The following FAM167A variants were observed in gnomAD, a reference collection of about 807,000 sequenced individuals.
The protein encoded by FAM167A is family with sequence similarity 167 member A, also known as protein FAM167A.
Under a neutral mutation model 14.9 loss-of-function variants are expected in FAM167A, and 23 were observed. That is an observed-to-expected ratio of 1.55 (90% CI 1.11 to 2.19). FAM167A has a LOEUF of 2.19. FAM167A is among the 30% of genes most tolerant of loss of function. FAM167A has a pLI of 0.00. For synonymous variants in FAM167A, 174 were observed against 117.7 expected, an observed-to-expected ratio of 1.48 and a Z score of -3.10; for missense variants, 401 against 281.5, an observed-to-expected ratio of 1.42 and a Z score of -3.04.
intron 2 of FAM167A, chr8:11,435,199 C>G (rs1405461836): frequency 1.6e-5 from 7 of 449,358 alleles, no homozygotes; most frequent in East Asian, 1.4e-4. Flanking sequence ...GGTTCTGTCC[C>G]CTCCCCTGTG....
chr8:11,453,861 C>G (rs573109918), intron 1 of FAM167A, among the ~76,000 whole-genome samples: 1 of 152,320 alleles, frequency 6.6e-6, no homozygotes, highest in South Asian at 2.1e-4. Context: ...GTCTTCTTAC[C>G]CCATCATGCA....
chr8:11,421,648 G>A lies in FAM167A; in HGVS notation c.*2725C>T, dbSNP rs1804734674. On this transcript the variant is annotated 3_prime_UTR_variant, in exon 3 of 3. Coordinates refer to ENST00000284486, the MANE Select transcript of FAM167A (RefSeq NM_053279.3). ...CTTGAACTCGGTCAGGCATCGTCAA[G>A]CCTGCCCAGGCCCTCCAGGCCTCTT... 7.5e-6 allele frequency: 3 copies of A among 398,714 alleles called. No homozygotes were observed. The Admixed American group carries it at 1.3e-4, about 18-fold the overall frequency. The allele number at this position is 398,714 out of a possible 1,614,324, so 24.7% of individuals were successfully genotyped here.
rs1189563327 is a variant in FAM167A, at chr8:11,424,474, A to T, written c.544T>A (p.Cys182Ser). Residue 182 changes from cysteine (C) to serine (S), a missense_variant, in exon 3 of 3, where the codon TGT (cysteine) becomes AGT (serine). Cys to Ser is a moderately radical substitution (Grantham distance 112, BLOSUM62 -1). Coordinates refer to ENST00000284486, the MANE Select transcript of FAM167A (RefSeq NM_053279.3). Reference protein sequence around the residue: ...EERDELADLFCDSPLASSFSL... With the variant: ...EERDELADLFSDSPLASSFSL... ...AAGGAGGAGGCAAGAGGGGAGTCACAGAAGAGGTCGGCCAGCTCATCCCGC... is the reference window on the plus strand; with the variant it reads ...AAGGAGGAGGCAAGAGGGGAGTCACTGAAGAGGTCGGCCAGCTCATCCCGC... 6.2e-7 allele frequency: 1 copy of T among 1,614,004 alleles called. No homozygotes were observed. Among genetic ancestry groups the T allele is most frequent in the East Asian group, 2.2e-5 (1 of 44,886 alleles).
intron 1 of FAM167A, among the ~76,000 whole-genome samples, chr8:11,451,135 C>G (rs940567337): frequency 6.6e-6 from 1 of 152,230 alleles, no homozygotes; most frequent in Non-Finnish European, 1.5e-5. Context: ...TGGGGAGACA[C>G]AGGATGAAGT....
intron 1 of FAM167A, chr8:11,446,319 C>T (rs4585710): frequency 0.12 from 17,579 of 152,244 alleles, 1,109 homozygotes; most frequent in African/African-American, 0.17. Context: ...CCCTAGGCTA[C>T]GAGCCTGCCC....
chr8:11,449,632 G>A (rs1054606635), intron 1 of FAM167A, among the ~76,000 whole-genome samples: 1 of 152,214 alleles, frequency 6.6e-6, no homozygotes, highest in African/African-American at 2.4e-5. Context: ...AATCCCACCA[G>A]GCCCAGGCAC....
At chr8:11,426,212 C>T (rs952365921) in intron 2 of FAM167A, among the ~76,000 whole-genome samples, 1 of 152,200 alleles carries the variant, frequency 6.6e-6, no homozygotes, top group Non-Finnish European at 1.5e-5. Context: ...CACCCCCACC[C>T]TCCAAGCCCC....
At position 11,466,693 on chromosome 8, in the gene FAM167A, C is replaced by T. The variant is rs190505604; in HGVS notation, c.-465G>A. ...CCCGCCGCCTCCTCCTGCGCGGGTC[C>T]GCGCTGCCCGGCCTCAGCTCAGGGC... On this transcript the variant is annotated 5_prime_UTR_variant, in exon 1 of 3. Transcript: ENST00000284486. 5.2e-5 allele frequency: 8 copies of T among 152,560 alleles called. No homozygotes were observed. Among genetic ancestry groups the T allele is most frequent in the African/African-American group, 1.9e-4 (8 of 41,596 alleles). The allele number at this position is 152,560 out of a possible 1,614,324, so 9.5% of individuals were successfully genotyped here.
chr8:11,442,334 C>G (rs1806490993), intron 2 of FAM167A, among the ~76,000 whole-genome samples: 1 of 152,118 alleles, frequency 6.6e-6, no homozygotes, highest in Non-Finnish European at 1.5e-5. Flanking sequence ...CCCAGACATT[C>G]ATTGGATTGG....
At chr8:11,445,239 T>A (rs1426443508) in intron 1 of FAM167A, 1 of 983,718 alleles carries the variant, frequency 1.0e-6, no homozygotes, top group South Asian at 4.7e-5. Context: ...AGCCGGGGGG[T>A]CCCCAGAGCC....
intron 1 of FAM167A, among the ~76,000 whole-genome samples, chr8:11,463,623 G>T (rs1263159542): frequency 1.1e-4 from 16 of 152,214 alleles, no homozygotes. Flanking sequence ...ACCTGGGCCT[G>T]TCCCTCTAGG....
chr8:11,444,688 C>T lies in FAM167A; in HGVS notation c.-277G>A, dbSNP rs890570334. The T allele has an allele frequency of 1.9e-5, 23 of 1,220,980 alleles. No homozygotes were observed. The highest frequency in any genetic ancestry group is 7.8e-5 in the African/African-American group (5 of 63,896). The allele number at this position is 1,220,980 out of a possible 1,614,324, so 75.6% of individuals were successfully genotyped here. On this transcript the variant is annotated 5_prime_UTR_variant, in exon 2 of 3. Coordinates refer to ENST00000284486, the MANE Select transcript of FAM167A (RefSeq NM_053279.3). Reference sequence around the variant, plus strand: ...CACAGAAGGCAGGAACAGACAGCGTCGCAGGAATCTCGGGGCAGCCTGTGC... The same window carrying T: ...CACAGAAGGCAGGAACAGACAGCGTTGCAGGAATCTCGGGGCAGCCTGTGC...
At chr8:11,455,384 C>A (rs1433369576) in intron 1 of FAM167A, among the ~76,000 whole-genome samples, 2 of 99,820 alleles carry the variant, frequency 2.0e-5, no homozygotes, top group Non-Finnish European at 3.7e-5. Flanking sequence ...GGTTGCCTTG[C>A]GTGAGTGTGA....
chr8:11,459,017 C>A (rs1807438521), intron 1 of FAM167A, among the ~76,000 whole-genome samples: 1 of 152,264 alleles, frequency 6.6e-6, no homozygotes, highest in African/African-American at 2.4e-5. Flanking sequence ...ATAACCAGTA[C>A]AACTTCAACA....
chr8:11,435,115 C>T (rs1805917380), intron 2 of FAM167A: 2 of 456,616 alleles, frequency 4.4e-6, no homozygotes, highest in Non-Finnish European at 8.8e-6. Flanking sequence ...ATCACGGGAC[C>T]CTCCTGTTCC....
chr8:11,461,771 G>C (rs1448537909), intron 1 of FAM167A, among the ~76,000 whole-genome samples: 2 of 152,246 alleles, frequency 1.3e-5, no homozygotes, highest in Admixed American at 1.3e-4. Flanking sequence ...GCCAGCTCAA[G>C]GGGGGATTTG....
Position 11,444,106 on chromosome 8 carries a change from G to A in FAM167A, c.306C>T (p.Ala102=), listed in dbSNP as rs753220075. 2 of 1,613,492 alleles carry A rather than the reference G, an allele frequency of 1.2e-6. No individual in the cohort carries two copies. Among genetic ancestry groups the A allele is most frequent in the African/African-American group, 2.7e-5 (2 of 75,068 alleles). ...CCAGCTTGCCAGTGGACAGGGGTCT[G>A]GCACCTTGGCTGGCACTCCTGGCAG... ...PPSARSASQG[A]RPLSTGKLEG... is the part of the protein sequence containing the mutation. Residue 102 remains alanine (A), a synonymous_variant, in exon 2 of 3, where the codon GCC becomes GCT. Transcript: ENST00000284486.
rs1252891375 is a variant in FAM167A, at chr8:11,422,402, G to GTGTA, written c.*1967_*1970dup. The GTGTA allele has an allele frequency of 6.9e-6, 1 of 145,982 alleles. No individual in the cohort carries two copies. The highest frequency in any genetic ancestry group is 1.5e-5 in the Non-Finnish European group (1 of 67,354). 9.0% of individuals were successfully genotyped at this position (145,982 alleles called of 1,614,324 possible). A position where few individuals can be genotyped will look rare whatever the true frequency, so the allele number is the denominator to read the frequency against. ...TGTGTGTGTGTGTGTGTGTGTGTGT[G>GTGTA]TGTAGGTCAGCCCGAGACCTCAAGG... On this transcript the variant is annotated 3_prime_UTR_variant, in exon 3 of 3. Coordinates refer to ENST00000284486, the MANE Select transcript of FAM167A (RefSeq NM_053279.3).
Position 11,444,303 on chromosome 8 carries a change from G to A in FAM167A, c.109C>T (p.Leu37=), listed in dbSNP as rs563618320. ...LRSLKALTEK[L]RLETRRPSYL... is the part of the protein sequence containing the mutation. The stretch of plus-strand genomic sequence containing the variant: ...GAGGGCCTGCGGGTCTCCAGCCTCA[G>A]TTTCTCGGTGAGGGCCTTCAGGCTC... The change falls in exon 2 of 3, where the codon CTG becomes TTG. Residue 37 remains leucine, a synonymous_variant. Transcript: ENST00000284486. 3.7e-6 allele frequency: 6 copies of A among 1,612,348 alleles called. No individual in the cohort carries two copies. In the African/African-American group the frequency reaches 6.7e-5, roughly 18 times the overall value.
Sources: gnomAD v4.1 joint callset for allele counts (sites outside exome capture counted in the v4.1 genomes callset) on GRCh38, gnomAD v4.1.1 for gene constraint, MANE v1.5 for transcripts, NCBI Gene and HGNC (gene_info 2026-07-23, HGNC 2026-07-21) for gene names.